The following BNC2 variants were observed in gnomAD, a reference collection of about 807,000 sequenced individuals.
BNC2 encodes the protein basonuclin zinc finger protein 2.
In BNC2, 20 loss-of-function variants were observed where a neutral mutation model predicts 76.3. The observed-to-expected ratio is 0.26, with a 90% CI of 0.18 to 0.38. The LOEUF is 0.38. Among genes scored for constraint, BNC2 ranks in the 10% least tolerant of loss-of-function variants. The pLI is 1.00. For synonymous variants in BNC2, 582 were observed against 514.8 expected, an observed-to-expected ratio of 1.13 and a Z score of -1.77; for missense variants, 1,382 against 1,399.8, an observed-to-expected ratio of 0.99 and a Z score of 0.20.
intron 3 of BNC2, among the ~76,000 whole-genome samples, chr9:16,609,589 C>T (rs1191615265): frequency 6.6e-6 from 1 of 152,174 alleles, no homozygotes; most frequent in Non-Finnish European, 1.5e-5. Flanking sequence ...CCTTATGTTA[C>T]AGGTAATAAA....
At chr9:16,868,036 T>G (rs1819584983) in intron 1 of BNC2, 1 of 152,238 alleles carries the variant, frequency 6.6e-6, no homozygotes, top group Admixed American at 6.5e-5. Flanking sequence ...TGCTGACAAG[T>G]TAGCAGGGGA....
chr9:16,613,563 G>A (rs1345976536), intron 3 of BNC2, among the ~76,000 whole-genome samples: 4 of 152,190 alleles, frequency 2.6e-5, no homozygotes, highest in Non-Finnish European at 5.9e-5. Flanking sequence ...CTGAAAAGGA[G>A]ATCAGCTACT....
chr9:16,696,018 T>C (rs1312900643), intron 3 of BNC2, among the ~76,000 whole-genome samples: 1 of 152,214 alleles, frequency 6.6e-6, no homozygotes, highest in East Asian at 1.9e-4. Context: ...CAGTCAGTTC[T>C]GATAGCCTGT....
intron 3 of BNC2, among the ~76,000 whole-genome samples, chr9:16,659,987 A>G (rs1050672400): frequency 2.0e-5 from 3 of 152,246 alleles, no homozygotes; most frequent in Non-Finnish European, 4.4e-5. Flanking sequence ...TGTTCAGTTA[A>G]TATCTGTATT....
In BNC2 at chr9:16,437,410, C is replaced by T; in HGVS notation, c.784G>A (p.Ala262Thr). ...GETKSIVELM[A>T]IQEKEGQAVA... is the part of the protein sequence containing the mutation. ...GCCTGCCCTTCTTTCTCCTGAATTG[C>T]CATCAGCTCCACAATGGATTTGGTT... is the stretch of plus-strand genomic sequence containing the variant. Residue 262 changes from alanine (A) to threonine (T), a missense_variant, in exon 6 of 7, where the codon GCA becomes ACA. This residue lies in a region of BNC2 where 557 missense variants were observed against 540.9 expected (regional missense o/e 1.03). Coordinates refer to ENST00000380672, the MANE Select transcript of BNC2 (RefSeq NM_017637.6). 6.2e-7 allele frequency: 1 copy of T among 1,611,582 alleles called. No homozygotes were observed. The highest frequency in any genetic ancestry group is 8.5e-7 in the Non-Finnish European group (1 of 1,178,208).
At chr9:16,700,512 G>T (rs1823477368) in intron 3 of BNC2, among the ~76,000 whole-genome samples, 1 of 152,156 alleles carries the variant, frequency 6.6e-6, no homozygotes, top group Admixed American at 6.5e-5. Context: ...CCCTGTCTGT[G>T]CTGCGCAAGC....
chr9:16,461,761 T>C (rs957789201), intron 5 of BNC2, among the ~76,000 whole-genome samples: 1 of 152,162 alleles, frequency 6.6e-6, no homozygotes, highest in East Asian at 1.9e-4. Context: ...CTACGTGGTT[T>C]TACATACCTA....
intron 3 of BNC2, among the ~76,000 whole-genome samples, chr9:16,676,603 A>G (rs4961729): frequency 0.36 from 54,707 of 152,168 alleles, 12,221 homozygotes; most frequent in East Asian, 0.8. Flanking sequence ...AATGTAGTTA[A>G]GTTCTCAGGC....
At chr9:16,849,780 A>C (rs186044108) in intron 1 of BNC2, among the ~76,000 whole-genome samples, 1 of 152,320 alleles carries the variant, frequency 6.6e-6, no homozygotes. Context: ...AAAAGTCAAC[A>C]TAAAAAAACT....
intron 2 of BNC2, 128 bp from the exon 3 acceptor site, chr9:16,728,125 G>C: frequency 2.6e-6 from 2 of 766,320 alleles, no homozygotes; most frequent in South Asian, 2.7e-5. Flanking sequence ...GAGGGGGTCA[G>C]AGCTTCTTTC....
chr9:16,736,444 T>TTATTA lies in BNC2; in HGVS notation c.129+1915_129+1916insTAATA, dbSNP rs56118953. Among the ~76,000 whole-genome samples, 210 of 149,306 alleles carry TTATTA rather than the reference T, an allele frequency of 1.4e-3. 1 individual carries two copies. Among genetic ancestry groups the TTATTA allele is most frequent in the African/African-American group, 4.7e-3 (190 of 40,778 alleles). On this transcript the variant is annotated intron_variant, in intron 2 of 6. Coordinates refer to ENST00000380672, the MANE Select transcript of BNC2 (RefSeq NM_017637.6). ...AAAATTTTTATAGAAACAGAGACTA[T>TTATTA]TTATTATTATTATTGTTTATTATTA... is the stretch of plus-strand genomic sequence containing the variant.
intron 1 of BNC2, among the ~76,000 whole-genome samples, chr9:16,780,385 A>C: frequency 6.6e-6 from 1 of 152,010 alleles, no homozygotes; most frequent in East Asian, 1.9e-4. Context: ...CATCCTGGCC[A>C]ACATGGGGAA....
At chr9:16,553,295 A>T (rs1818722746) in intron 4 of BNC2, among the ~76,000 whole-genome samples, 1 of 152,162 alleles carries the variant, frequency 6.6e-6, no homozygotes, top group African/African-American at 2.4e-5. Flanking sequence ...TGAAAGACCT[A>T]ATTTGGAGGG....
chr9:16,822,092 C>CAAAA (rs531393812), intron 1 of BNC2, among the ~76,000 whole-genome samples: 24 of 32,598 alleles, frequency 7.4e-4, no homozygotes, highest in African/African-American at 2.2e-3. Context: ...GACTCCATCT[C>CAAAA]AAAAAAAAAA....
At chr9:16,686,343 T>C (rs1202189184) in intron 3 of BNC2, among the ~76,000 whole-genome samples, 1 of 152,184 alleles carries the variant, frequency 6.6e-6, no homozygotes, top group Non-Finnish European at 1.5e-5. Context: ...TTATAATTAG[T>C]CAATATCATC....
chr9:16,496,765 C>G (rs1822399616), intron 5 of BNC2, among the ~76,000 whole-genome samples: 1 of 152,148 alleles, frequency 6.6e-6, no homozygotes, highest in African/African-American at 2.4e-5. Flanking sequence ...TCAAAATATT[C>G]TACCAAGCTC....
intron 3 of BNC2, among the ~76,000 whole-genome samples, chr9:16,695,021 A>C (rs1174783670): frequency 6.6e-6 from 1 of 152,208 alleles, no homozygotes; most frequent in Non-Finnish European, 1.5e-5. Flanking sequence ...CAGGAAGTGG[A>C]GAGAAGATAA....
chr9:16,477,531 T>C (rs1587073837), intron 5 of BNC2, among the ~76,000 whole-genome samples: 1 of 152,240 alleles, frequency 6.6e-6, no homozygotes, highest in South Asian at 2.1e-4. Context: ...CTCTTGGATC[T>C]GTTTTGTAAG....
chr9:16,755,680 T>C (rs1424602126), intron 1 of BNC2, among the ~76,000 whole-genome samples: 1 of 152,142 alleles, frequency 6.6e-6, no homozygotes, highest in Non-Finnish European at 1.5e-5. Context: ...ACTCCTGTCA[T>C]TTCCGGGGCA....
Sources: gnomAD v4.1 joint callset for allele counts (sites outside exome capture counted in the v4.1 genomes callset) on GRCh38, gnomAD v4.1.1 for gene constraint, gnomAD v4.1.1 regional missense constraint, MANE v1.5 for transcripts, NCBI Gene and HGNC (gene_info 2026-07-23, HGNC 2026-07-21) for gene names.